IGF1R: variants seen among roughly 807,000 people sequenced by gnomAD.
IGF1R encodes the protein insulin like growth factor 1 receptor.
In IGF1R, 44 loss-of-function variants were observed where a neutral mutation model predicts 144.6. The observed-to-expected ratio is 0.30, with a 90% CI of 0.24 to 0.39. IGF1R has a LOEUF of 0.39. Ranked by LOEUF, IGF1R falls within the 10% of genes least tolerant of loss-of-function variation. The pLI, the probability that IGF1R is intolerant of heterozygous loss-of-function variation, is 1.00. For synonymous variants in IGF1R, 795 were observed against 722.8 expected (o/e 1.10, Z -1.60); for missense variants, 1,355 against 1,833.7 (o/e 0.74, Z 4.77).
At chr15:98,812,353 A>C (rs990501621) in intron 2 of IGF1R, among the ~76,000 whole-genome samples, 4 of 151,098 alleles carry the variant, frequency 2.6e-5, no homozygotes, top group African/African-American at 9.8e-5. Context: ...GTTGTTCTTG[A>C]AAAAGCTTTT....
chr15:98,669,981 TG>T (rs2052846837), intron 1 of IGF1R, among the ~76,000 whole-genome samples: 1 of 151,996 alleles, frequency 6.6e-6, no homozygotes, highest in South Asian at 2.1e-4. Flanking sequence ...AGGAGGCAGA[TG>T]AGGTAGATCG....
intron 2 of IGF1R, among the ~76,000 whole-genome samples, chr15:98,854,327 G>T (rs1165196644): frequency 6.6e-6 from 1 of 152,110 alleles, no homozygotes; most frequent in Non-Finnish European, 1.5e-5. Flanking sequence ...TCGCCACAGT[G>T]AGCCTGGGTG....
intron 2 of IGF1R, among the ~76,000 whole-genome samples, chr15:98,790,851 C>T (rs1202116939): frequency 1.3e-5 from 2 of 152,202 alleles, no homozygotes; most frequent in Non-Finnish European, 2.9e-5. Context: ...GGAAGAACTT[C>T]ATCATTTGAT....
intron 18 of IGF1R, among the ~76,000 whole-genome samples, chr15:98,939,699 A>G (rs8038056): frequency 0.13 from 19,285 of 152,188 alleles, 1,558 homozygotes; most frequent in East Asian, 0.34. Context: ...TGGGAATAAA[A>G]CTCACTGTCC....
chr15:98,918,951 G>C (rs2015369143), intron 10 of IGF1R, among the ~76,000 whole-genome samples: 2 of 152,138 alleles, frequency 1.3e-5, no homozygotes, highest in Non-Finnish European at 2.9e-5. Context: ...CTGCCCCGCT[G>C]GGGGAGTCTT....
intron 2 of IGF1R, among the ~76,000 whole-genome samples, chr15:98,801,220 G>A (rs971852277): frequency 1.3e-5 from 2 of 152,136 alleles, no homozygotes; most frequent in African/African-American, 4.8e-5. Flanking sequence ...CTTCTACCTG[G>A]GGTGTGCTGG....
At chr15:98,858,455 C>T (rs2011956444) in intron 2 of IGF1R, among the ~76,000 whole-genome samples, 1 of 152,212 alleles carries the variant, frequency 6.6e-6, no homozygotes, top group South Asian at 2.1e-4. Flanking sequence ...TTCCTGAAAA[C>T]ATTTCCAGTT....
intron 1 of IGF1R, among the ~76,000 whole-genome samples, chr15:98,699,236 C>T (rs188018345): frequency 6.6e-6 from 1 of 152,316 alleles, no homozygotes; most frequent in Non-Finnish European, 1.5e-5. Flanking sequence ...GTCTCATGCA[C>T]AGTGGGTGCT....
chr15:98,799,904 A>G (rs1257269039), intron 2 of IGF1R, among the ~76,000 whole-genome samples: 1 of 152,212 alleles, frequency 6.6e-6, no homozygotes, highest in African/African-American at 2.4e-5. Context: ...GAATTTATGT[A>G]TCAATTCACC....
intron 4 of IGF1R, chr15:98,897,179 G>C: frequency 2.2e-6 from 1 of 463,854 alleles, no homozygotes; most frequent in South Asian, 2.1e-5. Flanking sequence ...GCATAGGAGA[G>C]GCAAGCCCTG....
Position 98,649,544 on chromosome 15 carries a change from TTTTTTGA to T in IGF1R, c.-37_-31del. The T allele has an allele frequency of 2.9e-6, 2 of 679,606 alleles. No individual in the cohort carries two copies. Among genetic ancestry groups the T allele is most frequent in the Admixed American group, 3.3e-5 (1 of 29,870 alleles). The allele number at this position is 679,606 out of a possible 1,614,324, so 42.1% of individuals were successfully genotyped here. The stretch of plus-strand genomic sequence containing the variant: ...TCTTTTCTTTTTTTTTTTTTTTTTT[TTTTTTGA>T]GAAAGGGGAATTTCATCCCAAATAA... On this transcript the variant is annotated 5_prime_UTR_variant, in exon 1 of 21. Coordinates refer to ENST00000650285, the MANE Select transcript of IGF1R (RefSeq NM_000875.5).
At chr15:98,884,332 C>T (rs187701192) in intron 2 of IGF1R, among the ~76,000 whole-genome samples, 6 of 152,292 alleles carry the variant, frequency 3.9e-5, no homozygotes, top group East Asian at 1.9e-4. Flanking sequence ...CAGGCATTTC[C>T]GTTTGGATGT....
intron 10 of IGF1R, among the ~76,000 whole-genome samples, chr15:98,920,559 G>T (rs999281286): frequency 6.6e-6 from 1 of 152,224 alleles, no homozygotes; most frequent in Non-Finnish European, 1.5e-5. Flanking sequence ...TGTTGACAAA[G>T]ATTTCCCTGA....
At chr15:98,855,607 G>A (rs1567163467) in intron 2 of IGF1R, among the ~76,000 whole-genome samples, 1 of 152,160 alleles carries the variant, frequency 6.6e-6, no homozygotes, top group Non-Finnish European at 1.5e-5. Flanking sequence ...CGCTTGGCAA[G>A]CCCTTGACAA....
chr15:98,844,300 G>A (rs2175797), intron 2 of IGF1R, among the ~76,000 whole-genome samples: 12,093 of 152,206 alleles, frequency 0.079, 949 homozygotes, highest in African/African-American at 0.2. Context: ...GAATATCATA[G>A]TTTAGTTCAA....
At chr15:98,800,019 A>G (rs1377362129) in intron 2 of IGF1R, among the ~76,000 whole-genome samples, 2 of 152,150 alleles carry the variant, frequency 1.3e-5, no homozygotes, top group East Asian at 3.9e-4. Context: ...TTCCTGGTAA[A>G]TTAGAACATG....
At chr15:98,695,738 A>G (rs2053580514) in intron 1 of IGF1R, among the ~76,000 whole-genome samples, 1 of 152,142 alleles carries the variant, frequency 6.6e-6, no homozygotes, top group Non-Finnish European at 1.5e-5. Context: ...CTGTTCTTAT[A>G]TGGAACCACA....
Position 98,913,033 on chromosome 15 carries a change from T to C in IGF1R, c.1590-11T>C. 1.2e-6 allele frequency: 2 copies of C among 1,601,146 alleles called. No individual in the cohort carries two copies. The highest frequency in any genetic ancestry group is 1.7e-6 in the Non-Finnish European group (2 of 1,168,168). Reference sequence around the variant, plus strand: ...AGCCCCGAACTTTCTCTGAACTTAATTGTCTTTCAGACCCTTTAAGAATGT... The same window carrying C: ...AGCCCCGAACTTTCTCTGAACTTAACTGTCTTTCAGACCCTTTAAGAATGT... On this transcript the variant is annotated splice_polypyrimidine_tract_variant and intron_variant, in intron 7 of 20. Coordinates refer to ENST00000650285, the MANE Select transcript of IGF1R (RefSeq NM_000875.5).
chr15:98,708,180 TTC>T, intron 2 of IGF1R, 73 bp downstream of exon 2: 1 of 1,311,462 alleles, frequency 7.6e-7, no homozygotes, highest in South Asian at 1.2e-5. Context: ...CTCCCTTCTC[TTC>T]TGAGTGCACG....
Sources: allele counts gnomAD v4.1 joint callset (sites outside exome capture counted in the v4.1 genomes callset), GRCh38; gene constraint gnomAD v4.1.1; transcripts MANE v1.5; gene names NCBI Gene and HGNC (gene_info 2026-07-23, HGNC 2026-07-21).